Variants in ARHGAP32 observed in about 807,000 individuals in gnomAD.
ARHGAP32 encodes Rho GTPase activating protein 32.
In ARHGAP32, 51 loss-of-function variants were observed where a neutral mutation model predicts 186.5. The ratio of observed to expected loss-of-function variants is 0.27; its 90% CI spans 0.22 to 0.35. The LOEUF is 0.35. Among genes scored for constraint, ARHGAP32 ranks in the 10% least tolerant of loss-of-function variants. ARHGAP32 has a pLI of 1.00. For synonymous variants in ARHGAP32, 950 were observed against 964.3 expected, an observed-to-expected ratio of 0.99 and a Z score of 0.27; for missense variants, 2,186 against 2,623.5, an observed-to-expected ratio of 0.83 and a Z score of 3.64.
At chr11:129,201,974 G>GCCTGC (rs907173574) in intron 1 of ARHGAP32, among the ~76,000 whole-genome samples, 3 of 151,842 alleles carry the variant, frequency 2.0e-5, no homozygotes, top group Non-Finnish European at 4.4e-5. Flanking sequence ...CAGAGCAAGA[G>GCCTGC]CCTGTCTCTG....
At chr11:129,177,952 C>T (rs1201971104) in intron 1 of ARHGAP32, among the ~76,000 whole-genome samples, 1 of 151,908 alleles carries the variant, frequency 6.6e-6, no homozygotes, top group African/African-American at 2.4e-5. Flanking sequence ...GGCAATTAGG[C>T]AGGAGAAGGA....
intron 11 of ARHGAP32, among the ~76,000 whole-genome samples, chr11:129,015,146 A>G (rs1038691528): frequency 6.6e-6 from 1 of 152,186 alleles, no homozygotes; most frequent in Non-Finnish European, 1.5e-5. Flanking sequence ...CAAAACTCCT[A>G]TTGTATTATA....
chr11:129,252,423 G>A (rs1272599992), intron 1 of ARHGAP32, among the ~76,000 whole-genome samples: 1 of 152,156 alleles, frequency 6.6e-6, no homozygotes, highest in Non-Finnish European at 1.5e-5. Flanking sequence ...GTCCTTGAGA[G>A]CGGATTCCAA....
intron 5 of ARHGAP32, among the ~76,000 whole-genome samples, chr11:129,106,088 A>G (rs1188293937): frequency 6.6e-6 from 1 of 152,224 alleles, no homozygotes; most frequent in African/African-American, 2.4e-5. Flanking sequence ...AAATTACTTC[A>G]GCCATTGTCG....
intron 1 of ARHGAP32, among the ~76,000 whole-genome samples, chr11:129,257,210 G>A (rs1734547454): frequency 6.6e-6 from 1 of 152,162 alleles, no homozygotes; most frequent in Non-Finnish European, 1.5e-5. Context: ...CTATACCATG[G>A]TGTGCACTTG....
At chr11:129,007,194 C>A (rs558058676) in intron 11 of ARHGAP32, among the ~76,000 whole-genome samples, 1 of 152,080 alleles carries the variant, frequency 6.6e-6, no homozygotes, top group African/African-American at 2.4e-5. Context: ...AATCAGAGTC[C>A]CCAAGAGTCT....
At chr11:128,994,381 C>T (rs1946144681) in intron 12 of ARHGAP32, among the ~76,000 whole-genome samples, 1 of 152,074 alleles carries the variant, frequency 6.6e-6, no homozygotes, top group Non-Finnish European at 1.5e-5. Context: ...TCTTGAACTC[C>T]TGACCTCAGG....
chr11:129,243,383 A>C (rs1013861289), intron 1 of ARHGAP32, among the ~76,000 whole-genome samples: 2 of 152,228 alleles, frequency 1.3e-5, no homozygotes, highest in African/African-American at 4.8e-5. Context: ...AAATATTACT[A>C]ACAATCATAA....
At chr11:129,003,351 T>C (rs1937616835) in intron 11 of ARHGAP32, among the ~76,000 whole-genome samples, 1 of 152,222 alleles carries the variant, frequency 6.6e-6, no homozygotes, top group African/African-American at 2.4e-5. Flanking sequence ...AGTTTTCTTT[T>C]TTTGATGTGT....
At chr11:128,986,832 A>C (rs769392797) in intron 13 of ARHGAP32, among the ~76,000 whole-genome samples, 164 bp from the exon 14 acceptor site, 2 of 152,242 alleles carry the variant, frequency 1.3e-5, no homozygotes, top group Non-Finnish European at 2.9e-5. Flanking sequence ...GGACTTCAGC[A>C]ACAACTGGAT....
At chr11:129,119,220 TAAGGAAA>T (rs1369541170) in intron 5 of ARHGAP32, among the ~76,000 whole-genome samples, 1 of 151,962 alleles carries the variant, frequency 6.6e-6, no homozygotes, top group Non-Finnish European at 1.5e-5. Context: ...AGTGTGAAGA[TAAGGAAA>T]GCAAGACCAA....
At chr11:129,092,110 A>T (rs562717513) in intron 6 of ARHGAP32, among the ~76,000 whole-genome samples, 11 of 152,152 alleles carry the variant, frequency 7.2e-5, no homozygotes, top group African/African-American at 2.6e-4. Context: ...GAAACGAACT[A>T]TCTATCTAGG....
chr11:129,215,228 T>C (rs1944630113), intron 1 of ARHGAP32, among the ~76,000 whole-genome samples: 1 of 152,156 alleles, frequency 6.6e-6, no homozygotes, highest in East Asian at 1.9e-4. Flanking sequence ...GGTTTCCTTA[T>C]GATTTGGTTA....
At chr11:129,093,504 A>G (rs896162982) in intron 6 of ARHGAP32, 117 bp downstream of exon 6, 1 of 702,648 alleles carries the variant, frequency 1.4e-6, no homozygotes, top group Non-Finnish European at 2.5e-6. Flanking sequence ...AGTATTATAT[A>G]AGTATTTTTC....
intron 2 of ARHGAP32, among the ~76,000 whole-genome samples, chr11:129,146,385 C>CCCTAACAA: frequency 6.6e-6 from 1 of 152,110 alleles, no homozygotes; most frequent in East Asian, 1.9e-4. Flanking sequence ...GTATTATGCT[C>CCCTAACAA]TGTCTTGGCC....
In ARHGAP32 at chr11:128,970,175, C is replaced by T. The variant is rs141268032; in HGVS notation, c.5038G>A (p.Ala1680Thr). The T allele has an allele frequency of 6.2e-7, 1 of 1,614,144 alleles. No individual in the cohort carries two copies. Among genetic ancestry groups the T allele is most frequent in the African/African-American group, 1.3e-5 (1 of 75,018 alleles). Residue 1680 changes from alanine to threonine, a missense_variant, in exon 23 of 23, where the codon GCC becomes ACC. By Grantham distance (58) the Ala-to-Thr change is moderately conservative. Transcript: ENST00000682385. This position sits in a 1 kb window ranked among gnomAD's most constrained non-coding sequence, Gnocchi z 5.8. ...SSSSYYSPDG[A>T]LCDVDAYGTV... ...CCATAGGCATCCACATCACACAGGG[C>T]CCCATCTGGACTGTAATAGGAACTA...
chr11:129,150,133 T>C (rs925045132), intron 2 of ARHGAP32, among the ~76,000 whole-genome samples: 9 of 138,350 alleles, frequency 6.5e-5, no homozygotes, highest in Admixed American at 3.6e-4. Context: ...AAAAAAAGAA[T>C]AAAAAAATGA....
intron 1 of ARHGAP32, among the ~76,000 whole-genome samples, chr11:129,224,025 T>A (rs10894000): frequency 0.2 from 30,126 of 152,102 alleles, 3,159 homozygotes; most frequent in Non-Finnish European, 0.23. Flanking sequence ...GAAGAGCTGA[T>A]AGGCTCCATG....
intron 2 of ARHGAP32, among the ~76,000 whole-genome samples, chr11:129,140,351 AC>A (rs1943025483): frequency 1.3e-5 from 2 of 152,194 alleles, no homozygotes; most frequent in South Asian, 2.1e-4. Flanking sequence ...TGAGCAGAGA[AC>A]CCAGTTAAGC....
Sources: gnomAD v4.1 joint callset for allele counts (sites outside exome capture counted in the v4.1 genomes callset) on GRCh38, gnomAD v4.1.1 for gene constraint, Gnocchi (gnomAD v3.1) non-coding constraint, MANE v1.5 for transcripts, NCBI Gene and HGNC (gene_info 2026-07-23, HGNC 2026-07-21) for gene names.